The following DFFB variants were observed in gnomAD, a reference collection of about 807,000 sequenced individuals.
The protein encoded by DFFB is DNA fragmentation factor 40 kDa subunit.
A neutral mutation model predicts 32.7 loss-of-function variants in DFFB; 29 were observed. The observed-to-expected ratio is 0.89, with a 90% CI of 0.66 to 1.21. DFFB has a LOEUF of 1.21. DFFB is among the 50% of genes most tolerant of loss of function. DFFB has a pLI of 0.00. For synonymous variants in DFFB, 170 were observed against 177.1 expected (o/e 0.96, Z 0.32); for missense variants, 398 against 440.6 (o/e 0.90, Z 0.87).
intron 6 of DFFB, among the ~76,000 whole-genome samples, chr1:3,876,468 G>A (rs867488778): frequency 6.6e-6 from 1 of 152,202 alleles, no homozygotes; most frequent in East Asian, 1.9e-4. Flanking sequence ...AGTGTGTTGG[G>A]TTTTAATTAA....
At chr1:3,864,532 C>G (rs10797348) in intron 2 of DFFB, among the ~76,000 whole-genome samples, 1 of 151,778 alleles carries the variant, frequency 6.6e-6, no homozygotes. Context: ...ATCTGAATAT[C>G]TTTTATAAAA....
At chr1:3,880,384 G>T (rs4074709) in intron 6 of DFFB, among the ~76,000 whole-genome samples, 27,289 of 152,120 alleles carry the variant, frequency 0.18, 2,495 homozygotes, top group African/African-American at 0.21. Flanking sequence ...TATAAGAAAC[G>T]ATAACCTTGA....
intron 2 of DFFB, among the ~76,000 whole-genome samples, chr1:3,859,919 C>T (rs1230507821): frequency 6.6e-6 from 1 of 152,106 alleles, no homozygotes; most frequent in African/African-American, 2.4e-5. Flanking sequence ...CTCTCTCTGT[C>T]TCTCCCTGCA....
chr1:3,869,834 C>A, intron 5 of DFFB, 59 bp downstream of exon 5: 1 of 1,513,356 alleles, frequency 6.6e-7, no homozygotes. Flanking sequence ...CACAGCCCGC[C>A]TGGGGCGAGG....
Position 3,879,883 on chromosome 1 carries a change from T to C in DFFB, c.783-3624T>C, listed in dbSNP as rs1645301904. ...GTCTGGTTTCATTATTTCCATTTCT[T>C]TTTAATCACTTTAATCATTAATCAT... On this transcript the variant is annotated intron_variant, in intron 6 of 6. Coordinates refer to ENST00000378209, the MANE Select transcript of DFFB (RefSeq NM_004402.4). 2.0e-5 allele frequency among the ~76,000 whole-genome samples: 3 copies of C among 152,204 alleles called. No individual in the cohort carries two copies. In the South Asian group the frequency reaches 6.2e-4, roughly 31 times the overall value.
chr1:3,858,649 G>A (rs1009173674), intron 1 of DFFB, 69 bp from the exon 2 acceptor site: 1 of 1,558,942 alleles, frequency 6.4e-7, no homozygotes, highest in African/African-American at 1.4e-5. Context: ...GGTCGTTTGT[G>A]AGGCCTGCAG....
intron 2 of DFFB, among the ~76,000 whole-genome samples, chr1:3,863,689 AAC>A (rs1161030465): frequency 6.6e-6 from 1 of 152,196 alleles, no homozygotes; most frequent in Non-Finnish European, 1.5e-5. Context: ...AGAGGAATGA[AAC>A]ACAGCATGGC....
intron 6 of DFFB, among the ~76,000 whole-genome samples, chr1:3,881,103 A>G (rs1164842288): frequency 6.6e-6 from 1 of 152,192 alleles, no homozygotes; most frequent in Non-Finnish European, 1.5e-5. Flanking sequence ...GAGCTAACAG[A>G]GGCCTGCTTG....
In DFFB at chr1:3,885,209, G is replaced by C. The variant is rs1253785965; in HGVS notation, c.*1468G>C. The stretch of plus-strand genomic sequence containing the variant: ...AGAGACGGTCTGGAAGGAAACACGC[G>C]GATCTGAACAGCAGTAATCCTGGGG... On this transcript the variant is annotated 3_prime_UTR_variant, in exon 7 of 7. Coordinates refer to ENST00000378209, the MANE Select transcript of DFFB (RefSeq NM_004402.4). The C allele has an allele frequency of 6.6e-6, 1 of 152,110 alleles. No individual in the cohort carries two copies. Among genetic ancestry groups the C allele is most frequent in the Non-Finnish European group, 1.5e-5 (1 of 68,030 alleles). 9.4% of individuals were successfully genotyped at this position (152,110 alleles called of 1,614,324 possible).
chr1:3,862,356 A>G (rs1298990708), intron 2 of DFFB, among the ~76,000 whole-genome samples: 2 of 151,082 alleles, frequency 1.3e-5, no homozygotes, highest in Non-Finnish European at 2.9e-5. Flanking sequence ...AGAAATTGAC[A>G]TGCTGATTCT....
In DFFB at chr1:3,865,739, G is replaced by A. The variant is rs761749838; in HGVS notation, c.242-73G>A. The A allele has an allele frequency of 5.0e-6, 8 of 1,611,364 alleles. No individual in the cohort carries two copies. Among genetic ancestry groups the A allele is most frequent in the East Asian group, 2.2e-5 (1 of 44,854 alleles). On this transcript the variant is annotated intron_variant, in intron 2 of 6. Coordinates refer to ENST00000378209, the MANE Select transcript of DFFB (RefSeq NM_004402.4). This position sits in a 1 kb window ranked among gnomAD's most constrained non-coding sequence, Gnocchi z 4.7. Reference sequence around the variant, plus strand: ...GGGAATGGGGGAAGATGTGGTCAGAGGCTCTTCTTGTGACCGGGGCAGGAT... The same window carrying A: ...GGGAATGGGGGAAGATGTGGTCAGAAGCTCTTCTTGTGACCGGGGCAGGAT...
intron 1 of DFFB, 40 bp downstream of exon 1, chr1:3,857,757 CG>C: frequency 7.4e-7 from 1 of 1,350,690 alleles, no homozygotes; most frequent in Non-Finnish European, 9.8e-7. Context: ...GTCGGGGAGG[CG>C]TGTGGGGAGA....
At chr1:3,863,137 A>G (rs2124730037) in intron 2 of DFFB, among the ~76,000 whole-genome samples, 1 of 152,350 alleles carries the variant, frequency 6.6e-6, no homozygotes, top group Non-Finnish European at 1.5e-5. Context: ...CCAATCATGT[A>G]TCTAATACGG....
chr1:3,871,185 C>G (rs6670527), intron 5 of DFFB, among the ~76,000 whole-genome samples: 89,831 of 152,134 alleles, frequency 0.59, 26,998 homozygotes, highest in African/African-American at 0.66. Flanking sequence ...TGTGATCACA[C>G]GGGTAACAGT....
chr1:3,861,564 A>G (rs1644881562), intron 2 of DFFB, among the ~76,000 whole-genome samples: 1 of 152,044 alleles, frequency 6.6e-6, no homozygotes, highest in African/African-American at 2.4e-5. Context: ...AGTAGCTGGG[A>G]CTACAGGGGT....
In DFFB at chr1:3,866,010, G is replaced by A. The variant is rs752398061; in HGVS notation, c.430+10G>A. On this transcript the variant is annotated intron_variant, in intron 3 of 6. Transcript: ENST00000378209. ...CCGCCGTGGTTTGAAGGTGCGTGGG[G>A]GCTGCAGCTGGCAGGGGAGAGGCTT... 5.9e-6 allele frequency: 9 copies of A among 1,536,862 alleles called. No individual in the cohort carries two copies. The Admixed American group carries it at 1.4e-4, about 24-fold the overall frequency.
chr1:3,868,694 G>GCCACACCACACCATA (rs1455258783), intron 4 of DFFB, among the ~76,000 whole-genome samples: 13 of 82,112 alleles, frequency 1.6e-4, no homozygotes, highest in African/African-American at 3.0e-4. Context: ...ACCACACCAG[G>GCCACACCACACCATA]CCACACCACA....
intron 2 of DFFB, among the ~76,000 whole-genome samples, chr1:3,862,081 C>G (rs1644889917): frequency 6.6e-6 from 1 of 152,100 alleles, no homozygotes; most frequent in Admixed American, 6.5e-5. Context: ...TTCCAACGAA[C>G]AATCTGAAAA....
rs41301969 is a variant in DFFB at position 3,883,925 on chromosome 1, G to A, written c.*184G>A. On this transcript the variant is annotated 3_prime_UTR_variant, in exon 7 of 7. Coordinates refer to ENST00000378209, the MANE Select transcript of DFFB (RefSeq NM_004402.4). ...TTTCTGAATTGTTGGGGTTTTTTTT[G>A]TTGTTTTGTTTTGTTTTGTAGATGG... 1 of 602,344 alleles carries A rather than the reference G, an allele frequency of 1.7e-6. No homozygotes were observed. Among genetic ancestry groups the A allele is most frequent in the East Asian group, 2.8e-5 (1 of 35,624 alleles). 37.3% of individuals were successfully genotyped at this position (602,344 alleles called of 1,614,324 possible). A position where few individuals can be genotyped will look rare whatever the true frequency, so the allele number is the denominator to read the frequency against.
Sources: gnomAD v4.1 joint callset for allele counts (sites outside exome capture counted in the v4.1 genomes callset) on GRCh38, gnomAD v4.1.1 for gene constraint, Gnocchi (gnomAD v3.1) non-coding constraint, MANE v1.5 for transcripts, NCBI Gene and HGNC (gene_info 2026-07-23, HGNC 2026-07-21) for gene names.